NMNAT1: variants seen among roughly 807,000 people sequenced by gnomAD.
The protein encoded by NMNAT1 is nicotinamide/nicotinic acid mononucleotide adenylyltransferase 1.
In NMNAT1, 11 loss-of-function variants were observed where a neutral mutation model predicts 16.7. That is an observed-to-expected ratio of 0.66 (90% CI 0.41 to 1.09). NMNAT1 has a LOEUF of 1.09. Among genes scored for constraint, NMNAT1 ranks in the 50% least tolerant of loss-of-function variants. NMNAT1 has a pLI of 0.00. For missense variants in NMNAT1, 280 were observed against 332.3 expected (o/e 0.84, Z 1.22); for synonymous variants, 110 against 119.8 (o/e 0.92, Z 0.53).
chr1:9,955,012 C>T (rs1047027374), intron 1 of NMNAT1, among the ~76,000 whole-genome samples: 7 of 151,664 alleles, frequency 4.6e-5, no homozygotes, highest in Non-Finnish European at 7.4e-5. Context: ...AGGCCAGGCA[C>T]GCTGGCTCAC....
chr1:9,988,723 A>T (rs1240593459), downstream of NMNAT1, among the ~76,000 whole-genome samples: 3 of 120,744 alleles, frequency 2.5e-5, no homozygotes, highest in Non-Finnish European at 3.6e-5. Flanking sequence ...AAAAAAAAAA[A>T]GGGTACCTTG....
intron 1 of NMNAT1, among the ~76,000 whole-genome samples, chr1:9,957,362 A>G (rs1166060499): frequency 7.3e-6 from 1 of 136,238 alleles, no homozygotes; most frequent in African/African-American, 2.8e-5. Context: ...ACGCAGTCTC[A>G]CTCTGTTTCT....
upstream of NMNAT1, chr1:9,943,150 C>A (rs76604876): frequency 4.5e-3 from 803 of 178,666 alleles, 5 homozygotes; most frequent in Non-Finnish European, 7.9e-3. Flanking sequence ...AACTTGAAGT[C>A]CGGCACGTAG....
rs762535714 is a variant in NMNAT1 at position 9,982,316 on chromosome 1, A to G, written c.455A>G (p.Lys152Arg). 1.2e-6 allele frequency: 2 copies of G among 1,612,434 alleles called. No homozygotes were observed. Among genetic ancestry groups the G allele is most frequent in the African/African-American group, 1.3e-5 (1 of 74,874 alleles). ...EPKTKAVPKVKLLCGADLLES... is the reference protein window; with the variant it reads ...EPKTKAVPKVRLLCGADLLES... ...TTCTTCCCAGCTGTGCCAAAGGTCA[A>G]GCTGCTGTGTGGGGCAGATTTATTG... The change falls in exon 5 of 5, where the codon AAG becomes AGG. Residue 152 changes from lysine to arginine, a missense_variant. Physicochemically the swap from Lys to Arg is conservative, Grantham distance 26. Transcript: ENST00000377205.
chr1:9,967,730 T>C (rs571576762), intron 1 of NMNAT1, among the ~76,000 whole-genome samples: 3 of 151,996 alleles, frequency 2.0e-5, no homozygotes, highest in Admixed American at 2.0e-4. Context: ...CACTTTGGAA[T>C]TGGCCAAAGT....
intron 1 of NMNAT1, among the ~76,000 whole-genome samples, chr1:9,963,236 G>A (rs567450159): frequency 2.1e-4 from 32 of 152,062 alleles, no homozygotes; most frequent in East Asian, 3.9e-4. Context: ...TTTGTCCACT[G>A]ACAGCATAAA....
chr1:9,955,972 A>G (rs1641249449), intron 1 of NMNAT1: 1 of 152,064 alleles, frequency 6.6e-6, no homozygotes, highest in Non-Finnish European at 1.5e-5. Context: ...TACGCGTAAC[A>G]CCAGAAGGCA....
the NMNAT1 span, among the ~76,000 whole-genome samples, chr1:9,993,322 T>C: frequency 6.6e-6 from 1 of 151,580 alleles, no homozygotes; most frequent in Non-Finnish European, 1.5e-5. Context: ...CTACTAAAAA[T>C]ATAAAAATTG....
In NMNAT1 at chr1:9,982,767, C is replaced by T; in HGVS notation, c.*66C>T. ...TCTGAAACAATCTGGGAGTTAATAA[C>T]TGGGGAAAGAAGTTGTGATCTGTTG... On this transcript the variant is annotated 3_prime_UTR_variant, in exon 5 of 5. Transcript: ENST00000377205. 6.8e-7 allele frequency: 1 copy of T among 1,471,112 alleles called. No individual in the cohort carries two copies. 91.1% of individuals were successfully genotyped at this position (1,471,112 alleles called of 1,614,324 possible). A position where few individuals can be genotyped will look rare whatever the true frequency, so the allele number is the denominator to read the frequency against.
At chr1:9,943,966 T>C (rs745527014) in intron 1 of NMNAT1, among the ~76,000 whole-genome samples, 3 of 152,028 alleles carry the variant, frequency 2.0e-5, no homozygotes, top group Non-Finnish European at 4.4e-5. Flanking sequence ...CTTAAAAAGT[T>C]ACCCTTGGAC....
At chr1:9,993,414 T>C in the NMNAT1 span, among the ~76,000 whole-genome samples, 2 of 151,386 alleles carry the variant, frequency 1.3e-5, no homozygotes. Flanking sequence ...AGGTGGAGGT[T>C]GCAGTGAGCC....
chr1:9,946,114 G>A (rs115342885), intron 1 of NMNAT1, among the ~76,000 whole-genome samples: 2,519 of 152,228 alleles, frequency 0.017, 46 homozygotes, highest in African/African-American at 0.044. Flanking sequence ...TAGTTTTAGC[G>A]TGTGCAGTCT....
At position 9,981,087 on chromosome 1, in the gene NMNAT1, C is replaced by T. The variant is rs769257955; in HGVS notation, c.356C>T (p.Thr119Ile). 1 of 1,613,934 alleles carries T rather than the reference C, an allele frequency of 6.2e-7. No individual in the cohort carries two copies. The highest frequency in any genetic ancestry group is 1.1e-5 in the South Asian group (1 of 91,054). Residue 119 changes from threonine to isoleucine, a missense_variant, in exon 4 of 5, where the codon ACT becomes ATT. Physicochemically the swap from Thr to Ile is moderately conservative, Grantham distance 89 (BLOSUM62 -1). Coordinates refer to ENST00000377205, the MANE Select transcript of NMNAT1 (RefSeq NM_022787.4). ...TGTGATCACCAGCAGAACTCACCTA[C>T]TCTAGAAAGGCCTGGAAGGAAGAGG... is the stretch of plus-strand genomic sequence containing the variant. ...SDCDHQQNSP[T>I]LERPGRKRKW...
Position 9,965,816 on chromosome 1 carries a change from G to A in NMNAT1, c.-56-6202G>A, listed in dbSNP as rs182674788. On this transcript the variant is annotated intron_variant, in intron 1 of 4. Transcript: ENST00000377205. ...CACCTTGACAACATAGTGAGACCCTGTCTCTGCAAAAGATTTAAAAAATAT... is the reference window on the plus strand; with the variant it reads ...CACCTTGACAACATAGTGAGACCCTATCTCTGCAAAAGATTTAAAAAATAT... Among the ~76,000 whole-genome samples the A allele has an allele frequency of 2.0e-5, 3 of 151,978 alleles. No individual in the cohort carries two copies. In the East Asian group the frequency reaches 5.8e-4, roughly 29 times the overall value.
chr1:9,981,776 C>A (rs1454269081), intron 4 of NMNAT1: 2 of 154,098 alleles, frequency 1.3e-5, no homozygotes, highest in Non-Finnish European at 2.9e-5. Flanking sequence ...ATTTCTCCTG[C>A]AGTGGTCTCT....
intron 1 of NMNAT1, among the ~76,000 whole-genome samples, chr1:9,963,642 C>T (rs1641476714): frequency 6.6e-6 from 1 of 151,916 alleles, no homozygotes; most frequent in Non-Finnish European, 1.5e-5. Flanking sequence ...CTTCTGACCT[C>T]GTGATCCGCC....
chr1:9,975,566 A>C (rs1641787841), intron 2 of NMNAT1, 26 bp from the exon 3 acceptor site: 1 of 1,544,366 alleles, frequency 6.5e-7, no homozygotes, highest in South Asian at 1.2e-5. Flanking sequence ...TGTTATACCT[A>C]GTGTGAAACC....
chr1:9,974,715 G>A (rs1216312333), intron 2 of NMNAT1, among the ~76,000 whole-genome samples: 1 of 151,704 alleles, frequency 6.6e-6, no homozygotes, highest in Non-Finnish European at 1.5e-5. Context: ...GTAGAAACTG[G>A]GTCCCACTGT....
chr1:9,958,673 C>T (rs1236471287), intron 1 of NMNAT1, among the ~76,000 whole-genome samples: 1 of 151,874 alleles, frequency 6.6e-6, no homozygotes, highest in African/African-American at 2.4e-5. Flanking sequence ...TTCCTGACCT[C>T]GTGATCCGCC....
Sources: gnomAD v4.1 joint callset for allele counts (sites outside exome capture counted in the v4.1 genomes callset) on GRCh38, gnomAD v4.1.1 for gene constraint, MANE v1.5 for transcripts, NCBI Gene and HGNC (gene_info 2026-07-23, HGNC 2026-07-21) for gene names.